XIAP: variants seen among roughly 807,000 people sequenced by gnomAD.
The protein encoded by XIAP is X-linked inhibitor of apoptosis, also known as E3 ubiquitin-protein ligase XIAP.
In XIAP, 3 loss-of-function variants were observed where a neutral mutation model predicts 33.1. That is an observed-to-expected ratio of 0.09 (90% CI 0.04 to 0.23). XIAP has a LOEUF of 0.23. Ranked by LOEUF, XIAP falls within the 10% of genes least tolerant of loss-of-function variation. The pLI, the probability that XIAP is intolerant of heterozygous loss-of-function variation, is 1.00. For synonymous variants in XIAP, 98 were observed against 121.3 expected (o/e 0.81, Z 1.26); for missense variants, 264 against 363.0 (o/e 0.73, Z 2.22).
chrX:123,906,620 G>A (rs1212208083), intron 6 of XIAP, among the ~76,000 whole-genome samples: 3 of 111,508 alleles, frequency 2.7e-5, no homozygotes, highest in African/African-American at 9.8e-5. Context: ...GCAAATGACT[G>A]TCCATGCTTA....
At position 123,907,292 on chromosome X, in the gene XIAP, T is replaced by G. The variant is rs1449701775; in HGVS notation, c.*111T>G. 2 of 714,299 alleles carry G rather than the reference T, an allele frequency of 2.8e-6. No individual in the cohort carries two copies. The highest frequency in any genetic ancestry group is 4.3e-6 in the Non-Finnish European group (2 of 464,821). 58.9% of individuals were successfully genotyped at this position (714,299 alleles called of 1,213,427 possible). On this transcript the variant is annotated 3_prime_UTR_variant, in exon 7 of 7. Transcript: ENST00000371199. ...AATTCCATTAGCATTTGCTACCAAG[T>G]AGGAAAAAAAATGTACATGGCAGTG...
At chrX:123,875,433 C>T (rs2053235600) in intron 1 of XIAP, among the ~76,000 whole-genome samples, 1 of 111,969 alleles carries the variant, frequency 8.9e-6, no homozygotes, top group South Asian at 3.7e-4. Context: ...TGCCAGATTA[C>T]CTTCCAGAAA....
chrX:123,874,869 ATTTTTTT>A (rs773693860), intron 1 of XIAP, among the ~76,000 whole-genome samples: 4 of 42,802 alleles, frequency 9.3e-5, no homozygotes, highest in Admixed American at 3.5e-4. Context: ...TAATTCTTGT[ATTTTTTT>A]TTTTTTTTTT....
At chrX:123,895,763 C>CTT (rs202012632) in intron 5 of XIAP, among the ~76,000 whole-genome samples, 9 of 98,515 alleles carry the variant, frequency 9.1e-5, no homozygotes, top group Admixed American at 1.1e-4. Context: ...TCTCCTTTGA[C>CTT]TTTTTTTTTT....
At chrX:123,900,799 T>A in intron 6 of XIAP, 106 bp downstream of exon 6, 1 of 704,423 alleles carries the variant, frequency 1.4e-6, no homozygotes, top group Non-Finnish European at 2.3e-6. Context: ...GGACATTTTT[T>A]AAACGTAACC....
At chrX:123,904,157 G>A (rs965350299) in intron 6 of XIAP, among the ~76,000 whole-genome samples, 4 of 110,321 alleles carry the variant, frequency 3.6e-5, no homozygotes, top group Non-Finnish European at 7.6e-5. Flanking sequence ...GGCAGGTCTC[G>A]AACTCCTGGG....
At chrX:123,881,006 T>G (rs2053299115) in intron 1 of XIAP, among the ~76,000 whole-genome samples, 1 of 111,111 alleles carries the variant, frequency 9.0e-6, no homozygotes, top group African/African-American at 3.3e-5. Context: ...CATGCACCAT[T>G]GCTTGCTGGT....
rs777303823 is a variant in XIAP at position 123,886,506 on chromosome X, G to A, written c.844G>A (p.Glu282Lys). Residue 282 changes from glutamate (E) to lysine (K), a missense_variant, in exon 2 of 7, where the codon GAG (glutamate) becomes AAG (lysine). Physicochemically the swap from Glu to Lys is moderately conservative, Grantham distance 56. Coordinates refer to ENST00000371199, the MANE Select transcript of XIAP (RefSeq NM_001167.4). ...FGTWIYSVNK[E>K]QLARAGFYAL... is the part of the protein sequence containing the mutation. ...GACATGGATATACTCAGTTAACAAG[G>A]AGCAGCTTGCAAGAGCTGGATTTTA... 1.7e-5 allele frequency: 21 copies of A among 1,203,165 alleles called. No homozygotes were observed. In the African/African-American group the frequency reaches 3.1e-4, roughly 18 times the overall value.
chrX:123,877,817 CA>C (rs2053259920), intron 1 of XIAP, among the ~76,000 whole-genome samples: 2 of 110,070 alleles, frequency 1.8e-5, no homozygotes, highest in African/African-American at 6.6e-5. Flanking sequence ...ACTAAAAATA[CA>C]AAAAAATTAG....
At chrX:123,906,852 C>A in intron 6 of XIAP, 136 bp from the exon 7 acceptor site, 1 of 694,230 alleles carries the variant, frequency 1.4e-6, no homozygotes, top group Non-Finnish European at 2.2e-6. Flanking sequence ...AGAGCAGATG[C>A]CACGGGTGAG....
rs1233435379 is a variant in XIAP at position 123,909,440 on chromosome X, G to C, written c.*2259G>C. The stretch of plus-strand genomic sequence containing the variant: ...TCACCTTTGCACTGTCTGCCACTTA[G>C]TTTGGTTATATAGTCATTAACTTGA... On this transcript the variant is annotated 3_prime_UTR_variant, in exon 7 of 7. Transcript: ENST00000371199. The C allele has an allele frequency of 3.1e-6, 1 of 326,578 alleles. No individual in the cohort carries two copies. The highest frequency in any genetic ancestry group is 2.6e-5 in the South Asian group (1 of 38,167). The allele number at this position is 326,578 out of a possible 1,213,427, so 26.9% of individuals were successfully genotyped here. A position where few individuals can be genotyped will look rare whatever the true frequency, so the allele number is the denominator to read the frequency against.
At chrX:123,878,111 A>C (rs1381785320) in intron 1 of XIAP, among the ~76,000 whole-genome samples, 3 of 111,932 alleles carry the variant, frequency 2.7e-5, no homozygotes, top group Non-Finnish European at 5.6e-5. Context: ...CTAACATCCC[A>C]TTTTCCATAT....
At chrX:123,879,889 C>T (rs5958330) in intron 1 of XIAP, among the ~76,000 whole-genome samples, 37,325 of 103,027 alleles carry the variant, frequency 0.36, 5,258 homozygotes, top group African/African-American at 0.46. Flanking sequence ...CCGAGGCGGG[C>T]GGATCACGAG....
At chrX:123,881,518 T>A (rs2053303870) in intron 1 of XIAP, among the ~76,000 whole-genome samples, 1 of 111,445 alleles carries the variant, frequency 9.0e-6, no homozygotes, top group Non-Finnish European at 1.9e-5. Flanking sequence ...ACTCTGCTAA[T>A]GTGTATATAT....
chrX:123,889,690 T>C (rs1228220237), intron 3 of XIAP, among the ~76,000 whole-genome samples: 1 of 109,295 alleles, frequency 9.1e-6, no homozygotes, highest in Non-Finnish European at 1.9e-5. Flanking sequence ...GCTAATTTTT[T>C]ATATTTTTAG....
rs2053572822 is a variant in XIAP at position 123,908,642 on chromosome X, G to T, written c.*1461G>T. 1 of 358,504 alleles carries T rather than the reference G, an allele frequency of 2.8e-6. No individual in the cohort carries two copies. The highest frequency in any genetic ancestry group is 2.6e-5 in the African/African-American group (1 of 39,118). 29.5% of individuals were successfully genotyped at this position (358,504 alleles called of 1,213,427 possible). On this transcript the variant is annotated 3_prime_UTR_variant, in exon 7 of 7. Transcript: ENST00000371199. ...TCCTCTACCTACATTTGTTTTCTTG[G>T]CTAGTAATAGTAGTAGATACTTCTG... is the stretch of plus-strand genomic sequence containing the variant.
intron 1 of XIAP, among the ~76,000 whole-genome samples, chrX:123,863,002 T>A (rs2053096125): frequency 9.2e-6 from 1 of 109,064 alleles, no homozygotes; most frequent in South Asian, 3.9e-4. Flanking sequence ...GGCAGGAGGA[T>A]CACCTGAGCC....
chrX:123,894,976 A>G (rs1374827188), intron 5 of XIAP, among the ~76,000 whole-genome samples: 127 of 110,019 alleles, frequency 1.2e-3, no homozygotes, highest in African/African-American at 4.0e-3. Context: ...AAATAAATAA[A>G]TAAATAAATA....
chrX:123,864,705 G>T lies in XIAP; in HGVS notation c.-33+4412G>T, dbSNP rs778459814. 1.0e-4 allele frequency among the ~76,000 whole-genome samples: 10 copies of T among 97,900 alleles called. No individual in the cohort carries two copies. The Admixed American group carries it at 1.1e-3, about 11-fold the overall frequency. 85.0% of individuals were successfully genotyped at this position (97,900 alleles called of 115,157 possible). The stretch of plus-strand genomic sequence containing the variant: ...GTTTTAGTAAAGACAGGGTGTCACC[G>T]TGTGTGTGTGTGTTTTAGTAAAGAC... On this transcript the variant is annotated intron_variant, in intron 1 of 6. Transcript: ENST00000371199.
Sources: gnomAD v4.1 joint callset for allele counts (sites outside exome capture counted in the v4.1 genomes callset) on GRCh38, gnomAD v4.1.1 for gene constraint, MANE v1.5 for transcripts, NCBI Gene and HGNC (gene_info 2026-07-23, HGNC 2026-07-21) for gene names.